Variants in OLFML2B observed in about 807,000 individuals in gnomAD.
OLFML2B encodes olfactomedin-like protein 2B.
OLFML2B carries 57 observed loss-of-function variants against 74.9 expected under a neutral mutation model. That is an observed-to-expected ratio of 0.76 (90% CI 0.61 to 0.95). The LOEUF (loss-of-function observed/expected upper bound fraction) is 0.95. Among genes scored for constraint, OLFML2B ranks in the 40% least tolerant of loss-of-function variants. OLFML2B has a pLI of 0.00. For missense variants in OLFML2B, 986 were observed against 970.6 expected (o/e 1.02, Z -0.21); for synonymous variants, 388 against 405.8 (o/e 0.96, Z 0.53).
Position 162,000,311 on chromosome 1 carries a change from T to C in OLFML2B, c.751A>G (p.Thr251Ala). ...ATGGAGTTGATCTGCTGGGACACGG[T>C]TTCTTCCTGCAGAAACCGCTCTTCA... is the stretch of plus-strand genomic sequence containing the variant. ...EYEERFLQEETVSQQINSIEL... is the reference protein window; with the variant it reads ...EYEERFLQEEAVSQQINSIEL... The change falls in exon 5 of 8, where the codon ACC becomes GCC. Residue 251 changes from threonine to alanine, a missense_variant. Coordinates refer to ENST00000294794, the MANE Select transcript of OLFML2B (RefSeq NM_015441.3). 1 of 1,612,624 alleles carries C rather than the reference T, an allele frequency of 6.2e-7. No individual in the cohort carries two copies. Among genetic ancestry groups the C allele is most frequent in the Non-Finnish European group, 8.5e-7 (1 of 1,179,976 alleles).
chr1:162,023,600 C>G lies in OLFML2B; in HGVS notation c.-170G>C. On this transcript the variant is annotated 5_prime_UTR_variant, in exon 1 of 8. Transcript: ENST00000294794. ...GGGACGGGAGGGTGCGCCCCAGAGACTCTGGGCATCTCCTTCCCGACGCGA... is the reference window on the plus strand; with the variant it reads ...GGGACGGGAGGGTGCGCCCCAGAGAGTCTGGGCATCTCCTTCCCGACGCGA... 1.9e-6 allele frequency: 1 copy of G among 519,456 alleles called. No homozygotes were observed. Among genetic ancestry groups the G allele is most frequent in the East Asian group, 3.4e-5 (1 of 29,086 alleles). 32.2% of individuals were successfully genotyped at this position (519,456 alleles called of 1,614,324 possible).
chr1:162,009,463 C>A (rs2101971463), intron 3 of OLFML2B, among the ~76,000 whole-genome samples: 1 of 152,308 alleles, frequency 6.6e-6, no homozygotes, highest in Admixed American at 6.5e-5. Flanking sequence ...CCCCCCAACC[C>A]CGGTCTTAGG....
Position 161,995,707 on chromosome 1 carries a change from T to G in OLFML2B, c.1474+2118A>C, listed in dbSNP as rs1689878007. On this transcript the variant is annotated intron_variant, in intron 6 of 7. Coordinates refer to ENST00000294794, the MANE Select transcript of OLFML2B (RefSeq NM_015441.3). ...CAGGCTGGCAGACACCATTGCCTGA[T>G]GGCTTGCAAGGTGTGTGGGTCCTAC... 4.6e-5 allele frequency among the ~76,000 whole-genome samples: 7 copies of G among 152,338 alleles called. No homozygotes were observed. The South Asian group carries it at 1.5e-3, about 32-fold the overall frequency.
chr1:161,983,491 G>A lies in OLFML2B; in HGVS notation c.*184C>T, dbSNP rs77811050. 2.0e-3 allele frequency: 1,258 copies of A among 617,808 alleles called. 1 individual carries two copies. The highest frequency in any genetic ancestry group is 2.9e-3 in the Non-Finnish European group (1,067 of 366,902). 38.3% of individuals were successfully genotyped at this position (617,808 alleles called of 1,614,324 possible). A position where few individuals can be genotyped will look rare whatever the true frequency, so the allele number is the denominator to read the frequency against. On this transcript the variant is annotated 3_prime_UTR_variant, in exon 8 of 8. Coordinates refer to ENST00000294794, the MANE Select transcript of OLFML2B (RefSeq NM_015441.3). ...GGGAGGATGAGACCAGCACATACAC[G>A]TATGGATTGATCTACAATCCATATA...
At chr1:162,017,560 CAG>C in intron 2 of OLFML2B, 53 bp from the exon 3 acceptor site, 1 of 1,358,472 alleles carries the variant, frequency 7.4e-7, no homozygotes, top group Non-Finnish European at 1.0e-6. Context: ...AGACACAGGG[CAG>C]AGTTTCCTTT....
chr1:162,001,610 A>T (rs1690082393), intron 4 of OLFML2B, among the ~76,000 whole-genome samples: 1 of 152,214 alleles, frequency 6.6e-6, no homozygotes, highest in South Asian at 2.1e-4. Flanking sequence ...TGTTTAAGGC[A>T]CTGTATTTGG....
intron 3 of OLFML2B, among the ~76,000 whole-genome samples, chr1:162,014,673 T>C (rs1370050456): frequency 4.6e-5 from 7 of 152,228 alleles, no homozygotes; most frequent in African/African-American, 1.7e-4. Context: ...GACAGTCAGC[T>C]GGCATGAGCC....
chr1:161,991,152 A>C (rs746223499), intron 6 of OLFML2B, among the ~76,000 whole-genome samples: 25 of 152,212 alleles, frequency 1.6e-4, no homozygotes, highest in Non-Finnish European at 2.9e-4. Flanking sequence ...TAATGTTGAT[A>C]TTTTGACCTC....
Position 162,023,840 on chromosome 1 carries a change from G to A in OLFML2B, c.-410C>T, listed in dbSNP as rs898395741. ...GACCGGACACGGGGAGGGAAGAGGC[G>A]GTGGCGGCGCGGGCTGCTGGGCGAG... On this transcript the variant is annotated 5_prime_UTR_variant, in exon 1 of 8. Coordinates refer to ENST00000294794, the MANE Select transcript of OLFML2B (RefSeq NM_015441.3). The A allele has an allele frequency of 5.7e-5, 9 of 158,674 alleles. No individual in the cohort carries two copies. Among genetic ancestry groups the A allele is most frequent in the African/African-American group, 2.2e-4 (9 of 41,634 alleles). The allele number at this position is 158,674 out of a possible 1,614,324, so 9.8% of individuals were successfully genotyped here. A position where few individuals can be genotyped will look rare whatever the true frequency, so the allele number is the denominator to read the frequency against.
chr1:162,018,349 T>G (rs560816071), intron 2 of OLFML2B, among the ~76,000 whole-genome samples: 1 of 152,170 alleles, frequency 6.6e-6, no homozygotes, highest in East Asian at 1.9e-4. Context: ...TTCCCCAAGA[T>G]AGCTGGCTCA....
chr1:162,016,200 T>C (rs1156515749), intron 3 of OLFML2B, among the ~76,000 whole-genome samples: 1 of 152,244 alleles, frequency 6.6e-6, no homozygotes, highest in Non-Finnish European at 1.5e-5. Flanking sequence ...GAGCCTTGTT[T>C]AATTTAACCA....
rs1197104378 is a variant in OLFML2B, at chr1:161,984,103, C to T, written c.1825G>A (p.Ala609Thr). ...AMLHDVAYEE[A>T]TPWRWQGHSD... ...TGGCCCTGCCATCGCCAGGGGGTGG[C>T]CTCCTCGTAGGCCACGTCATGCAGC... Residue 609 changes from alanine (A) to threonine (T), a missense_variant, in exon 8 of 8, where the codon GCC becomes ACC. Transcript: ENST00000294794. The T allele has an allele frequency of 1.2e-6, 2 of 1,611,494 alleles. No individual in the cohort carries two copies. Among genetic ancestry groups the T allele is most frequent in the East Asian group, 2.2e-5 (1 of 44,810 alleles).
In OLFML2B at chr1:161,984,302, C is replaced by T. The variant is rs199960056; in HGVS notation, c.1652-26G>A. 204 of 1,514,784 alleles carry T rather than the reference C, an allele frequency of 1.3e-4. 2 individuals carry two copies. The African/African-American group carries it at 2.7e-3, about 20-fold the overall frequency. 93.8% of individuals were successfully genotyped at this position (1,514,784 alleles called of 1,614,324 possible). A position where few individuals can be genotyped will look rare whatever the true frequency, so the allele number is the denominator to read the frequency against. Reference sequence around the variant, plus strand: ...CTGCAGGTGGGGAGAAAACAGGAGGCTTCAGAGTGGCATGGCAGAGGGTGG... The same window carrying T: ...CTGCAGGTGGGGAGAAAACAGGAGGTTTCAGAGTGGCATGGCAGAGGGTGG... On this transcript the variant is annotated intron_variant, in intron 7 of 7. Transcript: ENST00000294794.
intron 6 of OLFML2B, among the ~76,000 whole-genome samples, chr1:161,994,468 C>G (rs146280683): frequency 6.6e-6 from 1 of 152,364 alleles, no homozygotes; most frequent in Non-Finnish European, 1.5e-5. Context: ...ACTGACTGTC[C>G]TCTTTGTCTG....
In OLFML2B at chr1:162,006,312, G is replaced by C. The variant is rs1690228525; in HGVS notation, c.708C>G (p.Ala236=). The part of the protein sequence containing the change: ...RSALQRDAAA[A]YAHPEYEERF... ...GGGGCTATACCTCTGGGTGGGCGTA[G>C]GCTGCTGCTGCATCCCTCTGCAGGG... The change falls in exon 4 of 8, where the codon GCC becomes GCG. Residue 236 remains alanine (A), a synonymous_variant. Transcript: ENST00000294794. 1.3e-6 allele frequency: 2 copies of C among 1,595,376 alleles called. No homozygotes were observed. Among genetic ancestry groups the C allele is most frequent in the Non-Finnish European group, 1.7e-6 (2 of 1,173,472 alleles).
intron 6 of OLFML2B, among the ~76,000 whole-genome samples, chr1:161,990,912 G>A (rs1689722512): frequency 6.6e-6 from 1 of 152,156 alleles, no homozygotes; most frequent in African/African-American, 2.4e-5. Flanking sequence ...GTCTTCACCA[G>A]GAGTAGGTTC....
chr1:162,000,472 GC>G (rs1220192040), intron 4 of OLFML2B, 134 bp from the exon 5 acceptor site: 6 of 623,558 alleles, frequency 9.6e-6, no homozygotes, highest in Non-Finnish European at 2.8e-6. Flanking sequence ...TGTTCTAAGT[GC>G]TTTATACATT....
intron 6 of OLFML2B, among the ~76,000 whole-genome samples, chr1:161,988,285 A>T (rs1011953708): frequency 6.6e-6 from 1 of 152,174 alleles, no homozygotes; most frequent in Non-Finnish European, 1.5e-5. Flanking sequence ...TCCCCTCAGC[A>T]TATAAACCTC....
At chr1:162,009,847 A>C (rs2101971807) in intron 3 of OLFML2B, among the ~76,000 whole-genome samples, 1 of 152,160 alleles carries the variant, frequency 6.6e-6, no homozygotes, top group South Asian at 2.1e-4. Flanking sequence ...TCTCACACCA[A>C]AGGCCTTTGG....
Sources: allele counts gnomAD v4.1 joint callset (sites outside exome capture counted in the v4.1 genomes callset), GRCh38; gene constraint gnomAD v4.1.1; transcripts MANE v1.5; gene names NCBI Gene and HGNC (gene_info 2026-07-23, HGNC 2026-07-21).